The following TMEM132D variants were observed in gnomAD, a reference collection of about 807,000 sequenced individuals.
The protein encoded by TMEM132D is transmembrane protein 132D, also known as mature OL transmembrane protein.
A neutral mutation model predicts 62.3 loss-of-function variants in TMEM132D; 21 were observed. The observed-to-expected ratio is 0.34, with a 90% confidence interval of 0.24 to 0.49. The LOEUF (loss-of-function observed/expected upper bound fraction) is 0.49. Ranked by LOEUF, TMEM132D falls within the 20% of genes least tolerant of loss-of-function variation. TMEM132D has a pLI of 0.99. For synonymous variants in TMEM132D, 621 were observed against 575.6 expected (o/e 1.08, Z -1.13); for missense variants, 1,346 against 1,402.8 (o/e 0.96, Z 0.65).
chr12:129,137,971 G>A (rs954216581), intron 5 of TMEM132D, among the ~76,000 whole-genome samples: 1 of 152,020 alleles, frequency 6.6e-6, no homozygotes, highest in Non-Finnish European at 1.5e-5. Context: ...GCTTACTGAG[G>A]CTTAAACACA....
At chr12:129,521,015 G>C (rs1229169314) in intron 3 of TMEM132D, among the ~76,000 whole-genome samples, 1 of 152,206 alleles carries the variant, frequency 6.6e-6, no homozygotes, top group African/African-American at 2.4e-5. Flanking sequence ...CCCAGTGGCT[G>C]AGATTGATAT....
intron 4 of TMEM132D, among the ~76,000 whole-genome samples, chr12:129,232,390 C>T (rs1261596518): frequency 6.6e-6 from 1 of 152,176 alleles, no homozygotes; most frequent in African/African-American, 2.4e-5. Flanking sequence ...TGTTAAAATA[C>T]AATGATGGTG....
intron 2 of TMEM132D, among the ~76,000 whole-genome samples, chr12:129,565,775 C>A (rs1877351249): frequency 6.6e-6 from 1 of 152,180 alleles, no homozygotes; most frequent in Admixed American, 6.5e-5. Context: ...CTTAATAAAC[C>A]TTTTGCTTGG....
chr12:129,473,831 T>G (rs1324694416), intron 3 of TMEM132D, among the ~76,000 whole-genome samples: 5 of 152,226 alleles, frequency 3.3e-5, no homozygotes, highest in Non-Finnish European at 7.3e-5. Flanking sequence ...TAGCAGATCT[T>G]TATTTATTCA....
chr12:129,237,019 A>G (rs75673311), intron 4 of TMEM132D, among the ~76,000 whole-genome samples: 1,543 of 152,254 alleles, frequency 0.01, 27 homozygotes, highest in African/African-American at 0.035. Context: ...TTAATGTGGT[A>G]TATCACATTA....
intron 4 of TMEM132D, among the ~76,000 whole-genome samples, chr12:129,276,349 C>T (rs562337819): frequency 5.9e-5 from 9 of 152,310 alleles, no homozygotes; most frequent in South Asian, 2.1e-4. Context: ...ACTGTCAAAG[C>T]GTGGAGAGCG....
Position 129,115,316 on chromosome 12 carries a change from C to T in TMEM132D, c.1444-30614G>A, listed in dbSNP as rs143242821. 2.9e-3 allele frequency among the ~76,000 whole-genome samples: 439 copies of T among 152,262 alleles called. 4 individuals are homozygous for T. Among genetic ancestry groups the T allele is most frequent in the African/African-American group, 0.01 (419 of 41,536 alleles). On this transcript the variant is annotated intron_variant, in intron 5 of 8. Coordinates refer to ENST00000422113, the MANE Select transcript of TMEM132D (RefSeq NM_133448.3). ...CAGCCAACACGATTATCCTCCTGGACGATGCAATTCACCTTCCTTAGTTCC... is the reference window on the plus strand; with the variant it reads ...CAGCCAACACGATTATCCTCCTGGATGATGCAATTCACCTTCCTTAGTTCC...
At position 129,389,977 on chromosome 12, in the gene TMEM132D, G is replaced by A. The variant is rs562536118; in HGVS notation, c.1116-52160C>T. ...AGCTGTGCCTTCATCGCACTGACTC[G>A]TTTCTAGGAGAGCTGTGATATGGCC... is the stretch of plus-strand genomic sequence containing the variant. On this transcript the variant is annotated intron_variant, in intron 3 of 8. Coordinates refer to ENST00000422113, the MANE Select transcript of TMEM132D (RefSeq NM_133448.3). Among the ~76,000 whole-genome samples the A allele has an allele frequency of 1.5e-3, 222 of 152,302 alleles. 1 individual carries two copies. The highest frequency in any genetic ancestry group is 6.4e-3 in the South Asian group (31 of 4,822).
At chr12:129,337,562 G>T in intron 4 of TMEM132D, 72 bp downstream of exon 4, 1 of 1,573,772 alleles carries the variant, frequency 6.4e-7, no homozygotes, top group Non-Finnish European at 8.6e-7. Context: ...CCCAGCCTGG[G>T]ACTCAGTGCG....
intron 3 of TMEM132D, among the ~76,000 whole-genome samples, chr12:129,432,202 G>T (rs1593005998): frequency 6.8e-6 from 1 of 146,174 alleles, no homozygotes; most frequent in South Asian, 2.2e-4. Context: ...TGGATGGATG[G>T]TTGCATGGAT....
chr12:129,396,560 T>A (rs111777326), intron 3 of TMEM132D, among the ~76,000 whole-genome samples: 5,460 of 152,194 alleles, frequency 0.036, 302 homozygotes, highest in African/African-American at 0.12. Context: ...GTGGACAAGG[T>A]CACTAAGAGA....
intron 1 of TMEM132D, among the ~76,000 whole-genome samples, chr12:129,888,683 A>G (rs539082087): frequency 6.6e-6 from 1 of 152,290 alleles, no homozygotes; most frequent in African/African-American, 2.4e-5. Context: ...CAGCTTGGAG[A>G]GCAGAGCAAG....
chr12:129,199,274 G>C (rs534649497), intron 5 of TMEM132D, among the ~76,000 whole-genome samples: 2 of 152,110 alleles, frequency 1.3e-5, no homozygotes, highest in Non-Finnish European at 2.9e-5. Flanking sequence ...GCTAATTTTT[G>C]TATTTTTGGT....
intron 2 of TMEM132D, 73 bp from the exon 3 acceptor site, chr12:129,531,278 G>A: frequency 4.0e-6 from 6 of 1,494,694 alleles, no homozygotes; most frequent in South Asian, 1.4e-5. Flanking sequence ...CTGGGAACAC[G>A]GGGAGCTTAA....
At chr12:129,095,346 G>GTTTT (rs34044401) in intron 5 of TMEM132D, among the ~76,000 whole-genome samples, 1,107 of 105,318 alleles carry the variant, frequency 0.011, 67 homozygotes, top group Admixed American at 0.034. Context: ...ATGCCTGCTG[G>GTTTT]TTTTTTTTTT....
intron 3 of TMEM132D, among the ~76,000 whole-genome samples, chr12:129,508,553 G>A (rs1484007): frequency 0.54 from 82,813 of 151,952 alleles, 22,949 homozygotes; most frequent in East Asian, 0.59. Flanking sequence ...AAATTCTACA[G>A]CTAGGACATC....
intron 2 of TMEM132D, among the ~76,000 whole-genome samples, chr12:129,614,720 C>T (rs1048676662): frequency 3.9e-5 from 6 of 152,184 alleles, no homozygotes; most frequent in African/African-American, 1.4e-4. Flanking sequence ...AAGACCCACA[C>T]ACACACGCCC....
rs1271891224 is a variant in TMEM132D at position 129,278,651 on chromosome 12, C to A, written c.1299+58983G>T. ...AATGAGGTCCCTCCAGCATTAAGAA[C>A]TTCTGTGGGCTTTGGCTCTGGGAGG... On this transcript the variant is annotated intron_variant, in intron 4 of 8. Transcript: ENST00000422113. Among the ~76,000 whole-genome samples the A allele has an allele frequency of 2.0e-5, 3 of 152,166 alleles. No homozygotes were observed. The East Asian group carries it at 5.8e-4, about 29-fold the overall frequency.
intron 1 of TMEM132D, among the ~76,000 whole-genome samples, chr12:129,844,176 A>G (rs73160266): frequency 0.042 from 6,390 of 152,342 alleles, 178 homozygotes; most frequent in Non-Finnish European, 0.064. Flanking sequence ...GCTAGCCCGC[A>G]TATTTCAACA....
Sources: gnomAD v4.1 joint callset for allele counts (sites outside exome capture counted in the v4.1 genomes callset) on GRCh38, gnomAD v4.1.1 for gene constraint, MANE v1.5 for transcripts, NCBI Gene and HGNC (gene_info 2026-07-23, HGNC 2026-07-21) for gene names.